SYNPR: variants seen among roughly 807,000 people sequenced by gnomAD.
SYNPR encodes synaptoporin.
SYNPR carries 23 observed loss-of-function variants against 32.9 expected under a neutral mutation model. The ratio of observed to expected loss-of-function variants is 0.70; its 90% CI spans 0.50 to 0.99. SYNPR has a LOEUF of 0.99. Ranked by LOEUF, SYNPR falls within the 50% of genes least tolerant of loss-of-function variation. SYNPR has a pLI of 0.00. For synonymous variants in SYNPR, 146 were observed against 135.9 expected, an observed-to-expected ratio of 1.07 and a Z score of -0.52; for missense variants, 318 against 349.3, an observed-to-expected ratio of 0.91 and a Z score of 0.71.
chr3:63,415,123 C>A (rs764943292), intron 2 of SYNPR, among the ~76,000 whole-genome samples: 2 of 152,106 alleles, frequency 1.3e-5, no homozygotes, highest in Admixed American at 6.6e-5. Flanking sequence ...TTTATGAATT[C>A]TTTTCCTACT....
intron 2 of SYNPR, among the ~76,000 whole-genome samples, chr3:63,437,680 G>C (rs1700109319): frequency 6.6e-6 from 1 of 151,916 alleles, no homozygotes; most frequent in Non-Finnish European, 1.5e-5. Flanking sequence ...AGAAAAAGAA[G>C]GAAAGAAAGA....
rs1261075028 is a variant in SYNPR, at chr3:63,609,264, A to G, written c.548A>G (p.Asn183Ser). Residue 183 changes from asparagine (N) to serine (S), a missense_variant, in exon 5 of 6, where the codon AAC (asparagine) becomes AGC (serine). By Grantham distance (46) the Asn-to-Ser change is conservative (BLOSUM62 1). Coordinates refer to ENST00000478300, the MANE Select transcript of SYNPR (RefSeq NM_001130003.2). ...ATGTCAGCTTGCAAACAGCCATCCAACAAATGCATGGCTATCCACAGCCCT... is the reference window on the plus strand; with the variant it reads ...ATGTCAGCTTGCAAACAGCCATCCAGCAAATGCATGGCTATCCACAGCCCT... The part of the protein sequence containing the change: ...LLMSACKQPS[N>S]KCMAIHSPVM... The G allele has an allele frequency of 6.2e-7, 1 of 1,605,422 alleles. No individual in the cohort carries two copies.
intron 2 of SYNPR, among the ~76,000 whole-genome samples, chr3:63,348,075 G>A (rs2087460525): frequency 1.3e-5 from 2 of 151,986 alleles, no homozygotes; most frequent in South Asian, 2.1e-4. Flanking sequence ...ATTGAATGGT[G>A]GTTCTATTTT....
At chr3:63,373,306 C>T (rs2087843958) in intron 2 of SYNPR, among the ~76,000 whole-genome samples, 1 of 152,054 alleles carries the variant, frequency 6.6e-6, no homozygotes, top group African/African-American at 2.4e-5. Flanking sequence ...AAAGTTAAAA[C>T]TTAATTCAAG....
intron 4 of SYNPR, among the ~76,000 whole-genome samples, chr3:63,571,744 T>G (rs1193711578): frequency 6.6e-6 from 1 of 152,188 alleles, no homozygotes; most frequent in Non-Finnish European, 1.5e-5. Flanking sequence ...TGATGATACA[T>G]GAACGTATTC....
At chr3:63,473,975 T>C (rs957259597) in intron 2 of SYNPR, among the ~76,000 whole-genome samples, 1 of 152,186 alleles carries the variant, frequency 6.6e-6, no homozygotes, top group African/African-American at 2.4e-5. Context: ...AAAAGGAGAT[T>C]CTGAGACGAG....
intron 2 of SYNPR, among the ~76,000 whole-genome samples, chr3:63,314,706 C>T (rs1465319722): frequency 1.3e-5 from 2 of 151,856 alleles, no homozygotes; most frequent in African/African-American, 2.4e-5. Context: ...CTCCTTTTGC[C>T]GTGCAAAAGC....
intron 2 of SYNPR, among the ~76,000 whole-genome samples, chr3:63,402,796 G>A (rs1161523035): frequency 6.6e-6 from 1 of 152,194 alleles, no homozygotes; most frequent in Non-Finnish European, 1.5e-5. Context: ...AGGAATATTT[G>A]TTGCACAAAT....
chr3:63,508,585 A>T (rs1289127725), intron 3 of SYNPR, among the ~76,000 whole-genome samples: 1 of 152,132 alleles, frequency 6.6e-6, no homozygotes, highest in Non-Finnish European at 1.5e-5. Context: ...TCCCTAACTC[A>T]ACCATCAGAG....
chr3:63,495,930 G>A (rs1447678722), intron 3 of SYNPR, among the ~76,000 whole-genome samples: 1 of 146,122 alleles, frequency 6.8e-6, no homozygotes, highest in Non-Finnish European at 1.5e-5. Context: ...CATCAAGAGT[G>A]AGCCCAGATA....
chr3:63,326,942 A>T (rs549578780), intron 2 of SYNPR, among the ~76,000 whole-genome samples: 3 of 152,088 alleles, frequency 2.0e-5, no homozygotes, highest in Non-Finnish European at 4.4e-5. Context: ...CATGTTCCTA[A>T]ATTTTACCAA....
intron 4 of SYNPR, among the ~76,000 whole-genome samples, chr3:63,570,113 G>A (rs1702860421): frequency 6.6e-6 from 1 of 152,132 alleles, no homozygotes; most frequent in South Asian, 2.1e-4. Flanking sequence ...AACTACATGG[G>A]ATTTGTGTTC....
chr3:63,479,380 G>T (rs1700997063), intron 2 of SYNPR, among the ~76,000 whole-genome samples: 1 of 151,688 alleles, frequency 6.6e-6, no homozygotes, highest in Admixed American at 6.6e-5. Flanking sequence ...ATATCTTTTG[G>T]TCAAGTTCTT....
At chr3:63,460,572 CAAAAAA>C (rs11390803) in intron 2 of SYNPR, among the ~76,000 whole-genome samples, 1 of 45,710 alleles carries the variant, frequency 2.2e-5, no homozygotes, top group Non-Finnish European at 3.9e-5. Flanking sequence ...ATTGGTAGAC[CAAAAAA>C]AAAAAAAAAA....
chr3:63,293,783 CTGTGTG>C (rs35599811), intron 2 of SYNPR, among the ~76,000 whole-genome samples: 2 of 150,186 alleles, frequency 1.3e-5, no homozygotes, highest in African/African-American at 4.9e-5. Context: ...CATGGTTATA[CTGTGTG>C]TGTGTGTGTG....
At chr3:63,397,794 A>G (rs2088236260) in intron 2 of SYNPR, among the ~76,000 whole-genome samples, 1 of 152,228 alleles carries the variant, frequency 6.6e-6, no homozygotes, top group African/African-American at 2.4e-5. Context: ...TGGAGATGAT[A>G]GCTTCCTCAA....
chr3:63,488,062 G>T (rs1701188845), intron 3 of SYNPR, among the ~76,000 whole-genome samples: 1 of 152,138 alleles, frequency 6.6e-6, no homozygotes, highest in Non-Finnish European at 1.5e-5. Flanking sequence ...ATCTAGTAAC[G>T]CTAGCTCTGC....
At chr3:63,513,345 CTTGT>C (rs746141174) in intron 3 of SYNPR, among the ~76,000 whole-genome samples, 33 of 152,036 alleles carry the variant, frequency 2.2e-4, no homozygotes, top group Non-Finnish European at 2.5e-4. Flanking sequence ...TTGCTCCCAT[CTTGT>C]TTGTTTTAAA....
chr3:63,273,459 A>G (rs2086552770), upstream of SYNPR, among the ~76,000 whole-genome samples: 1 of 152,128 alleles, frequency 6.6e-6, no homozygotes, highest in South Asian at 2.1e-4. Flanking sequence ...CATCTACTTA[A>G]TATTAATACT....
Sources: gnomAD v4.1 joint callset for allele counts (sites outside exome capture counted in the v4.1 genomes callset) on GRCh38, gnomAD v4.1.1 for gene constraint, MANE v1.5 for transcripts, NCBI Gene and HGNC (gene_info 2026-07-23, HGNC 2026-07-21) for gene names.